Variants in HLTF observed in about 807,000 individuals in gnomAD.
HLTF encodes helicase like transcription factor.
In HLTF, 127 loss-of-function variants were observed where a neutral mutation model predicts 129.4. The ratio of observed to expected loss-of-function variants is 0.98; its 90% confidence interval spans 0.85 to 1.14. The LOEUF (loss-of-function observed/expected upper bound fraction) is 1.14. Ranked by LOEUF, HLTF falls within the 50% of genes most tolerant of loss-of-function variation. The pLI is 0.00. For missense variants in HLTF, 1,139 were observed against 1,187.1 expected (o/e 0.96, Z 0.60); for synonymous variants, 332 against 388.8 (o/e 0.85, Z 1.72).
intron 18 of HLTF, 69 bp downstream of exon 18, chr3:149,046,011 A>G: frequency 9.0e-7 from 1 of 1,114,236 alleles, no homozygotes; most frequent in Non-Finnish European, 1.3e-6. Flanking sequence ...CATCTAAATA[A>G]TGTCATTCAG....
In HLTF at chr3:149,031,900, T is replaced by C. The variant is rs560287026; in HGVS notation, c.*320A>G. On this transcript the variant is annotated 3_prime_UTR_variant, in exon 25 of 25. Transcript: ENST00000310053. ...AAAAGTATAAAAGGTCTGACCTTATTTGAAATACGAAAAAGCTGAGTACTT... is the reference window on the plus strand; with the variant it reads ...AAAAGTATAAAAGGTCTGACCTTATCTGAAATACGAAAAAGCTGAGTACTT... 17 of 169,506 alleles carry C rather than the reference T, an allele frequency of 1.0e-4. No homozygotes were observed. Among genetic ancestry groups the C allele is most frequent in the African/African-American group, 3.3e-4 (14 of 42,266 alleles). The allele number at this position is 169,506 out of a possible 1,614,324, so 10.5% of individuals were successfully genotyped here. A position where few individuals can be genotyped will look rare whatever the true frequency, so the allele number is the denominator to read the frequency against.
chr3:149,036,297 G>GTTTTTTGTTTTT (rs372645862), intron 23 of HLTF, among the ~76,000 whole-genome samples: 3 of 107,982 alleles, frequency 2.8e-5, no homozygotes, highest in African/African-American at 3.8e-5. Flanking sequence ...AAACTATGAG[G>GTTTTTTGTTTTT]TTTTTTTTTT....
intron 18 of HLTF, among the ~76,000 whole-genome samples, chr3:149,044,775 C>T (rs1385998886): frequency 6.6e-6 from 1 of 152,126 alleles, no homozygotes; most frequent in Non-Finnish European, 1.5e-5. Flanking sequence ...TTTGATTCCT[C>T]TTTCACATGC....
chr3:149,084,658 T>G, intron 2 of HLTF, 24 bp downstream of exon 2: 1 of 1,507,460 alleles, frequency 6.6e-7, no homozygotes, highest in Non-Finnish European at 9.1e-7. Flanking sequence ...TAATCAAAAT[T>G]TAATTATCTA....
chr3:149,050,128 GAA>G, intron 15 of HLTF, 102 bp downstream of exon 15: 1 of 598,472 alleles, frequency 1.7e-6, no homozygotes, highest in Non-Finnish European at 2.6e-6. Context: ...TATCTAAAGA[GAA>G]AAAAAAAGTA....
chr3:149,078,050 A>G (rs753721362), intron 2 of HLTF, among the ~76,000 whole-genome samples: 11 of 152,176 alleles, frequency 7.2e-5, no homozygotes, highest in Admixed American at 1.3e-4. Context: ...TACAAAACTC[A>G]GCAACAACAA....
At chr3:149,075,286 C>T (rs1009857121) in intron 3 of HLTF, among the ~76,000 whole-genome samples, 2 of 152,184 alleles carry the variant, frequency 1.3e-5, no homozygotes, top group South Asian at 2.1e-4. Context: ...CGGTGGCTCA[C>T]GCCTGTAATC....
chr3:149,052,347 G>GA (rs1717071124), intron 14 of HLTF, among the ~76,000 whole-genome samples: 1 of 151,898 alleles, frequency 6.6e-6, no homozygotes, highest in Admixed American at 6.5e-5. Flanking sequence ...CAAAGACAGA[G>GA]AAAAAGTTAG....
chr3:149,065,595 C>T (rs1019039301), intron 8 of HLTF, among the ~76,000 whole-genome samples: 4 of 152,046 alleles, frequency 2.6e-5, no homozygotes, highest in African/African-American at 9.7e-5. Flanking sequence ...TTTGGGAGAC[C>T]GAGGCGGGCG....
intron 17 of HLTF, among the ~76,000 whole-genome samples, chr3:149,047,423 C>T (rs1716630947): frequency 6.6e-6 from 1 of 152,154 alleles, no homozygotes. Context: ...AAGAGGATAA[C>T]CTGAGGTCAG....
At chr3:149,084,383 C>T (rs1171560049) in intron 2 of HLTF, among the ~76,000 whole-genome samples, 1 of 137,866 alleles carries the variant, frequency 7.3e-6, no homozygotes, top group East Asian at 2.2e-4. Context: ...AAACGATCTC[C>T]TTTTTGCAAC....
intron 14 of HLTF, among the ~76,000 whole-genome samples, chr3:149,052,774 A>G (rs1717101129): frequency 6.6e-6 from 1 of 152,260 alleles, no homozygotes; most frequent in South Asian, 2.1e-4. Flanking sequence ...CCAGCATGAC[A>G]AAGAATCCAA....
rs143354201 is a variant in HLTF, at chr3:149,075,963, C to T, written c.313G>A (p.Gly105Arg). 1 of 1,585,488 alleles carries T rather than the reference C, an allele frequency of 6.3e-7. No individual in the cohort carries two copies. The highest frequency in any genetic ancestry group is 8.7e-7 in the Non-Finnish European group (1 of 1,154,968). ...KNAIKVNNVN[G>R]NQVGHLKKEL... ...TTCTTTAAATGGCCAACTTGATTTC[C>T]ATTCACATTGTTTACTTTAATTGCA... Residue 105 changes from glycine to arginine, a missense_variant, in exon 3 of 25, where the codon GGA (glycine) becomes AGA (arginine). Transcript: ENST00000310053.
Position 149,050,309 on chromosome 3 carries a change from G to T in HLTF, c.1540C>A (p.Arg514Ser). 1 of 1,596,380 alleles carries T rather than the reference G, an allele frequency of 6.3e-7. No homozygotes were observed. Among genetic ancestry groups the T allele is most frequent in the South Asian group, 1.1e-5 (1 of 90,104 alleles). The change falls in exon 15 of 25, where the codon CGT becomes AGT. Residue 514 changes from arginine to serine, a missense_variant. Arg to Ser is a moderately radical substitution (Grantham distance 110). Coordinates refer to ENST00000310053, the MANE Select transcript of HLTF (RefSeq NM_003071.4). ...GAAAGTAAGGCCGGTTCTCTAATAC[G>T]ATCAGGACCATAATAAACATAAAAA... ...LNFYVYYGPD[R>S]IREPALLSKQ...
At chr3:149,078,834 G>A (rs1719622590) in intron 2 of HLTF, among the ~76,000 whole-genome samples, 2 of 150,862 alleles carry the variant, frequency 1.3e-5, no homozygotes, top group South Asian at 4.2e-4. Context: ...TCCAGCCTGG[G>A]CGACAAAGCA....
chr3:149,081,868 T>C (rs992912836), intron 2 of HLTF, among the ~76,000 whole-genome samples: 8 of 152,190 alleles, frequency 5.3e-5, no homozygotes, highest in African/African-American at 1.7e-4. Flanking sequence ...TTCAAAATCC[T>C]TCAGGAATAG....
intron 18 of HLTF, among the ~76,000 whole-genome samples, chr3:149,043,864 A>G (rs916204825): frequency 6.6e-6 from 1 of 152,284 alleles, no homozygotes; most frequent in South Asian, 2.1e-4. Flanking sequence ...TACCTACCTC[A>G]TACAACTACT....
Position 149,042,245 on chromosome 3 carries a change from C to A in HLTF, c.2118G>T (p.Leu706=). ...GTVLAHYADV[L]GLLLRLRQIC... is the part of the protein sequence containing the mutation. ...TTTGCCGCAGTCTAAGCAAAAGACCCAGGACATCTGCATAATGTGCCAGGA... is the reference window on the plus strand; with the variant it reads ...TTTGCCGCAGTCTAAGCAAAAGACCAAGGACATCTGCATAATGTGCCAGGA... The change falls in exon 19 of 25, where the codon CTG becomes CTT. Residue 706 remains leucine (L), a synonymous_variant. Coordinates refer to ENST00000310053, the MANE Select transcript of HLTF (RefSeq NM_003071.4). 2 of 1,612,846 alleles carry A rather than the reference C, an allele frequency of 1.2e-6. No homozygotes were observed. Among genetic ancestry groups the A allele is most frequent in the Non-Finnish European group, 1.7e-6 (2 of 1,178,988 alleles).
At chr3:149,061,761 G>A (rs544327764) in intron 10 of HLTF, among the ~76,000 whole-genome samples, 6 of 151,506 alleles carry the variant, frequency 4.0e-5, no homozygotes, top group African/African-American at 1.2e-4. Context: ...GCTTGAACCC[G>A]GGAGGCAGAG....
Sources: allele counts gnomAD v4.1 joint callset (sites outside exome capture counted in the v4.1 genomes callset), GRCh38; gene constraint gnomAD v4.1.1; transcripts MANE v1.5; gene names NCBI Gene and HGNC (gene_info 2026-07-23, HGNC 2026-07-21).